ZNF475: variants seen among roughly 807,000 people sequenced by gnomAD.
The protein encoded by ZNF475 is zinc finger protein 475.
the ZNF475 span, among the ~76,000 whole-genome samples, chr5:122,173,570 T>G: frequency 6.6e-6 from 1 of 152,220 alleles, no homozygotes; most frequent in Admixed American, 6.5e-5. Flanking sequence ...GCATTGAACA[T>G]GAAGTGTTCC....
chr5:122,165,301 T>C, the ZNF475 span, among the ~76,000 whole-genome samples: 6 of 152,324 alleles, frequency 3.9e-5, no homozygotes, highest in Middle Eastern at 6.8e-3. Flanking sequence ...CTTTTGAAAT[T>C]GAAAAGCATC....
At chr5:122,166,161 A>T in the ZNF475 span, among the ~76,000 whole-genome samples, 4 of 152,228 alleles carry the variant, frequency 2.6e-5, no homozygotes, top group South Asian at 8.3e-4. Context: ...AAGCACAAGG[A>T]AAATATAAAG....
chr5:122,172,958 G>A, the ZNF475 span, among the ~76,000 whole-genome samples: 1 of 151,968 alleles, frequency 6.6e-6, no homozygotes, highest in Admixed American at 6.6e-5. Flanking sequence ...GCGTGAACCC[G>A]GGAGGCAGAG....
chr5:122,161,733 T>G, the ZNF475 span, among the ~76,000 whole-genome samples: 2 of 152,196 alleles, frequency 1.3e-5, no homozygotes, highest in Non-Finnish European at 2.9e-5. Flanking sequence ...CCATTTTCCC[T>G]TGTTTCTCCA....
chr5:122,163,951 C>CTT, the ZNF475 span, among the ~76,000 whole-genome samples: 1 of 146,476 alleles, frequency 6.8e-6, no homozygotes. Context: ...TCTGTGTCAC[C>CTT]TTTTTTTTTT....
At chr5:122,173,143 T>C in the ZNF475 span, among the ~76,000 whole-genome samples, 912 of 152,318 alleles carry the variant, frequency 6.0e-3, 13 homozygotes, top group African/African-American at 0.021. Flanking sequence ...AATTCATAAA[T>C]TCATGCAATA....
chr5:122,163,604 A>G, the ZNF475 span, among the ~76,000 whole-genome samples: 1 of 152,222 alleles, frequency 6.6e-6, no homozygotes, highest in Admixed American at 6.5e-5. Flanking sequence ...TTTTTAGTTT[A>G]ATTTTATCAT....
the ZNF475 span, among the ~76,000 whole-genome samples, chr5:122,170,530 C>T: frequency 1.8e-4 from 28 of 152,244 alleles, no homozygotes; most frequent in Non-Finnish European, 3.4e-4. Flanking sequence ...GGGCAAAGTA[C>T]GGGGTTAGGG....
At chr5:122,180,127 T>C in the ZNF475 span, 2 of 152,800 alleles carry the variant, frequency 1.3e-5, no homozygotes, top group Admixed American at 6.5e-5. Flanking sequence ...TGTTTCCAAA[T>C]ATGAATGTGT....
the ZNF475 span, among the ~76,000 whole-genome samples, chr5:122,172,961 A>C: frequency 6.6e-6 from 1 of 152,002 alleles, no homozygotes; most frequent in South Asian, 2.1e-4. Context: ...TGAACCCGGG[A>C]GGCAGAGCTT....
the ZNF475 span, among the ~76,000 whole-genome samples, chr5:122,170,835 AT>A: frequency 6.6e-6 from 1 of 152,164 alleles, no homozygotes; most frequent in South Asian, 2.1e-4. Context: ...GCCACCAGTC[AT>A]TCATTAGCAT....
the ZNF475 span, chr5:122,182,567 T>C: frequency 2.6e-6 from 4 of 1,535,576 alleles, no homozygotes; most frequent in African/African-American, 4.1e-5. Flanking sequence ...TTCCCTGTAA[T>C]GTTTGTGGGC....
the ZNF475 span, among the ~76,000 whole-genome samples, chr5:122,170,829 C>T: frequency 6.6e-6 from 1 of 152,156 alleles, no homozygotes; most frequent in African/African-American, 2.4e-5. Flanking sequence ...GTCCTAGCCA[C>T]CAGTCATTCA....
chr5:122,174,616 T>A, the ZNF475 span, among the ~76,000 whole-genome samples: 2 of 152,222 alleles, frequency 1.3e-5, no homozygotes, highest in Non-Finnish European at 2.9e-5. Flanking sequence ...TTCTCCCACA[T>A]CCATTTCAGT....
chr5:122,169,959 C>A, the ZNF475 span, among the ~76,000 whole-genome samples: 1 of 152,172 alleles, frequency 6.6e-6, no homozygotes, highest in South Asian at 2.1e-4. Flanking sequence ...CATGCTAAAT[C>A]TTGTTCTCAG....
At chr5:122,179,728 C>T in the ZNF475 span, 7 of 1,497,946 alleles carry the variant, frequency 4.7e-6, no homozygotes, top group East Asian at 9.9e-5. Context: ...AGGACCATTA[C>T]TGGTAAGTTC....
the ZNF475 span, among the ~76,000 whole-genome samples, chr5:122,173,512 AG>A: frequency 6.6e-6 from 1 of 152,242 alleles, no homozygotes; most frequent in African/African-American, 2.4e-5. Flanking sequence ...TTAGGATAAA[AG>A]TTGTTAAATA....
the ZNF475 span, chr5:122,180,032 A>G: frequency 1.1e-5 from 2 of 180,490 alleles, no homozygotes; most frequent in Non-Finnish European, 2.3e-5. Context: ...TGTAAAATAA[A>G]TAATAAAATA....
chr5:122,171,090 T>G, the ZNF475 span, among the ~76,000 whole-genome samples: 1 of 152,138 alleles, frequency 6.6e-6, no homozygotes, highest in Non-Finnish European at 1.5e-5. Flanking sequence ...ATATTAATTC[T>G]AATTCCAACT....
Sources: allele counts gnomAD v4.1 joint callset (sites outside exome capture counted in the v4.1 genomes callset), GRCh38; gene constraint gnomAD v4.1.1; transcripts MANE v1.5; gene names NCBI Gene and HGNC (gene_info 2026-07-23, HGNC 2026-07-21).